The following SLCO4C1 variants were observed in gnomAD, a reference collection of about 807,000 sequenced individuals.
The protein encoded by SLCO4C1 is solute carrier organic anion transporter family member 4C1.
In SLCO4C1, 58 loss-of-function variants were observed where a neutral mutation model predicts 72.1. That is an observed-to-expected ratio of 0.80 (90% confidence interval 0.65 to 1.00). The LOEUF (loss-of-function observed/expected upper bound fraction) is 1.00. SLCO4C1 is among the 50% of genes least tolerant of loss of function. SLCO4C1 has a pLI of 0.00. For synonymous variants in SLCO4C1, 297 were observed against 312.5 expected, an observed-to-expected ratio of 0.95 and a Z score of 0.52; for missense variants, 898 against 857.9, an observed-to-expected ratio of 1.05 and a Z score of -0.58.
intron 3 of SLCO4C1, among the ~76,000 whole-genome samples, chr5:102,266,430 A>T (rs1046704045): frequency 9.2e-5 from 14 of 152,158 alleles, no homozygotes; most frequent in Non-Finnish European, 2.1e-4. Flanking sequence ...TGGGTGGATT[A>T]TCTGAGGTCA....
At chr5:102,278,355 T>C (rs1200662872) in intron 2 of SLCO4C1, among the ~76,000 whole-genome samples, 1 of 152,092 alleles carries the variant, frequency 6.6e-6, no homozygotes, top group African/African-American at 2.4e-5. Flanking sequence ...AGCAGAAATT[T>C]ATAGAATGAA....
chr5:102,276,015 C>T (rs1186840629), intron 2 of SLCO4C1, among the ~76,000 whole-genome samples: 1 of 152,128 alleles, frequency 6.6e-6, no homozygotes, highest in East Asian at 1.9e-4. Context: ...CTCCAAACCA[C>T]ACCAGTGGGG....
intron 2 of SLCO4C1, among the ~76,000 whole-genome samples, chr5:102,282,552 G>GA (rs993136142): frequency 6.6e-6 from 1 of 151,876 alleles, no homozygotes; most frequent in African/African-American, 2.4e-5. Flanking sequence ...TTTATAAAAT[G>GA]AAATAATAGA....
chr5:102,259,052 A>G (rs1204023989), intron 6 of SLCO4C1, among the ~76,000 whole-genome samples: 1 of 152,098 alleles, frequency 6.6e-6, no homozygotes. Flanking sequence ...ATAAGTCAGA[A>G]TCGCACTAAC....
At chr5:102,262,170 T>C (rs751263223) in intron 4 of SLCO4C1, 137 bp from the exon 5 acceptor site, 43 of 545,268 alleles carry the variant, frequency 7.9e-5, no homozygotes, top group Non-Finnish European at 1.1e-4. Context: ...AATGGTGCCA[T>C]TGCAAAGAAT....
At chr5:102,257,793 GT>G in intron 7 of SLCO4C1, 149 bp downstream of exon 7, 2 of 689,072 alleles carry the variant, frequency 2.9e-6, no homozygotes, top group Non-Finnish European at 2.4e-6. Context: ...TAATTTTTAT[GT>G]TTTTTGGTAC....
At chr5:102,293,070 C>CA (rs923928478) in intron 1 of SLCO4C1, among the ~76,000 whole-genome samples, 2 of 151,544 alleles carry the variant, frequency 1.3e-5, no homozygotes, top group East Asian at 1.9e-4. Context: ...AAATATATTT[C>CA]AAAAAAAATA....
intron 3 of SLCO4C1, among the ~76,000 whole-genome samples, chr5:102,264,452 G>T (rs577752379): frequency 6.6e-6 from 1 of 152,072 alleles, no homozygotes; most frequent in East Asian, 1.9e-4. Flanking sequence ...GTATTTTGGG[G>T]AGTCAGTTGA....
At chr5:102,260,901 C>T (rs1013480136) in intron 5 of SLCO4C1, among the ~76,000 whole-genome samples, 3 of 152,048 alleles carry the variant, frequency 2.0e-5, no homozygotes, top group African/African-American at 4.8e-5. Flanking sequence ...AAGAAATTAA[C>T]GCGTCTACCT....
At chr5:102,250,390 G>T (rs1288629830) in intron 8 of SLCO4C1, among the ~76,000 whole-genome samples, 1 of 152,020 alleles carries the variant, frequency 6.6e-6, no homozygotes, top group Non-Finnish European at 1.5e-5. Flanking sequence ...AATATAAAGG[G>T]TTACACTAAT....
Position 102,279,909 on chromosome 5 carries a change from T to C in SLCO4C1, c.620-9103A>G, listed in dbSNP as rs141431087. Among the ~76,000 whole-genome samples, 1,292 of 151,840 alleles carry C rather than the reference T, an allele frequency of 8.5e-3. 11 individuals carry two copies. The highest frequency in any genetic ancestry group is 0.014 in the Non-Finnish European group (940 of 67,830). On this transcript the variant is annotated intron_variant, in intron 2 of 12. Transcript: ENST00000310954. ...ATTCAACAATGATTCCTGATAAAAA[T>C]TCTCAGAAAAAGAGGAATAGAGTAG...
At chr5:102,280,090 C>CAAAAAAAAAAA (rs36217271) in intron 2 of SLCO4C1, among the ~76,000 whole-genome samples, 8 of 68,840 alleles carry the variant, frequency 1.2e-4, no homozygotes, top group Admixed American at 2.0e-4. Flanking sequence ...TGCAATAAGG[C>CAAAAAAAAAAA]AAAAAAAAAA....
chr5:102,239,243 C>A lies in SLCO4C1; in HGVS notation c.2014+8G>T. 3 of 1,550,150 alleles carry A rather than the reference C, an allele frequency of 1.9e-6. No homozygotes were observed. The highest frequency in any genetic ancestry group is 2.6e-6 in the Non-Finnish European group (3 of 1,154,498). ...TTACTCTAAAATTATCAAGAAGTCA[C>A]CACTTACTTATGGCTACTAGCATAT... On this transcript the variant is annotated splice_region_variant and intron_variant, in intron 12 of 12. Transcript: ENST00000310954.
intron 9 of SLCO4C1, among the ~76,000 whole-genome samples, chr5:102,248,188 G>T (rs1395608209): frequency 6.6e-6 from 1 of 152,018 alleles, no homozygotes; most frequent in Non-Finnish European, 1.5e-5. Flanking sequence ...TGGGTCACTG[G>T]TGTGAAATAT....
intron 11 of SLCO4C1, 114 bp from the exon 12 acceptor site, chr5:102,239,502 G>GT (rs1748500303): frequency 1.5e-6 from 1 of 678,390 alleles, no homozygotes; most frequent in African/African-American, 1.9e-5. Context: ...GTATTCATCT[G>GT]TCCACATGCA....
intron 12 of SLCO4C1, among the ~76,000 whole-genome samples, chr5:102,238,300 T>C (rs1438598186): frequency 6.6e-6 from 1 of 152,168 alleles, no homozygotes; most frequent in Non-Finnish European, 1.5e-5. Context: ...CATAAAAACA[T>C]TGTATGTAGC....
At chr5:102,285,263 A>G (rs1425793714) in intron 2 of SLCO4C1, among the ~76,000 whole-genome samples, 1 of 151,862 alleles carries the variant, frequency 6.6e-6, no homozygotes, top group African/African-American at 2.4e-5. Context: ...ATATATACAC[A>G]CACACACACA....
intron 6 of SLCO4C1, among the ~76,000 whole-genome samples, 198 bp from the exon 7 acceptor site, chr5:102,258,285 C>T (rs1179350805): frequency 2.6e-5 from 4 of 151,910 alleles, no homozygotes; most frequent in South Asian, 2.1e-4. Flanking sequence ...ATGTGGAAAA[C>T]CTAGAAAATT....
At chr5:102,243,892 G>A (rs1194473142) in intron 10 of SLCO4C1, among the ~76,000 whole-genome samples, 5 of 152,084 alleles carry the variant, frequency 3.3e-5, no homozygotes, top group African/African-American at 1.2e-4. Context: ...CAAAAAGACT[G>A]AAATAATATT....
Sources: allele counts gnomAD v4.1 joint callset (sites outside exome capture counted in the v4.1 genomes callset), GRCh38; gene constraint gnomAD v4.1.1; transcripts MANE v1.5; gene names NCBI Gene and HGNC (gene_info 2026-07-23, HGNC 2026-07-21).